Variants in KLHL8 observed in about 807,000 individuals in gnomAD.
The protein encoded by KLHL8 is kelch-like protein 8.
In KLHL8, 38 loss-of-function variants were observed where a neutral mutation model predicts 63.5. The observed-to-expected ratio is 0.60, with a 90% confidence interval of 0.46 to 0.78. The LOEUF is 0.78. KLHL8 is among the 30% of genes least tolerant of loss of function. The pLI is 0.00. For synonymous variants in KLHL8, 224 were observed against 254.3 expected (o/e 0.88, Z 1.13); for missense variants, 566 against 752.4 (o/e 0.75, Z 2.90).
chr4:87,213,329 A>G (rs553543936), intron 1 of KLHL8, among the ~76,000 whole-genome samples: 2 of 152,366 alleles, frequency 1.3e-5, no homozygotes, highest in African/African-American at 4.8e-5. Flanking sequence ...TGTACTTAAG[A>G]TAACAATGCC....
intron 1 of KLHL8, among the ~76,000 whole-genome samples, chr4:87,229,280 T>A (rs1246161053): frequency 1.3e-5 from 2 of 152,170 alleles, no homozygotes; most frequent in East Asian, 1.9e-4. Context: ...AGAAAACAGA[T>A]GAGGCTAAGC....
At chr4:87,218,834 A>G (rs1732704291) in intron 1 of KLHL8, among the ~76,000 whole-genome samples, 1 of 152,094 alleles carries the variant, frequency 6.6e-6, no homozygotes, top group East Asian at 1.9e-4. Flanking sequence ...TCCCGGGTTC[A>G]AGCCATTCTC....
intron 1 of KLHL8, among the ~76,000 whole-genome samples, chr4:87,230,244 C>T (rs186913441): frequency 7.9e-5 from 12 of 152,292 alleles, no homozygotes; most frequent in East Asian, 1.9e-4. Flanking sequence ...CCTGCAAGAA[C>T]GGAGCTGAGA....
chr4:87,236,618 C>T (rs1578414210), intron 1 of KLHL8, among the ~76,000 whole-genome samples: 2 of 149,250 alleles, frequency 1.3e-5, no homozygotes, highest in African/African-American at 4.9e-5. Context: ...GACTTTTATT[C>T]ATTGCGTACC....
chr4:87,178,572 C>T lies in KLHL8; in HGVS notation c.1001G>A (p.Arg334His), dbSNP rs776307029. The part of the protein sequence containing the change: ...GGRGGSGDPF[R>H]SIECYSINKN... ...GTTGATAGAATAGCATTCAATACTG[C>T]GAAAGGGGTCACCAGATCCACCTCG... is the stretch of plus-strand genomic sequence containing the variant. The change falls in exon 5 of 10, where the codon CGC becomes CAC. Residue 334 changes from arginine (R) to histidine (H), a missense_variant. Physicochemically the swap from Arg to His is conservative, Grantham distance 29. Coordinates refer to ENST00000273963, the MANE Select transcript of KLHL8 (RefSeq NM_020803.5). 9 of 1,607,890 alleles carry T rather than the reference C, an allele frequency of 5.6e-6. No individual in the cohort carries two copies. The highest frequency in any genetic ancestry group is 2.7e-5 in the African/African-American group (2 of 74,340).
intron 1 of KLHL8, among the ~76,000 whole-genome samples, chr4:87,206,746 A>G (rs1195369423): frequency 6.6e-6 from 1 of 152,222 alleles, no homozygotes. Context: ...CCCAACTTAA[A>G]TAATTCCTTT....
At chr4:87,221,897 T>C (rs1240182682), upstream of KLHL8, among the ~76,000 whole-genome samples, 16 of 152,292 alleles carry the variant, frequency 1.1e-4, no homozygotes, top group East Asian at 2.9e-3. Flanking sequence ...TAAAGAAGTA[T>C]GCAGTGAAGA....
intron 1 of KLHL8, among the ~76,000 whole-genome samples, chr4:87,204,969 G>A (rs1218779731): frequency 2.0e-5 from 3 of 152,070 alleles, no homozygotes; most frequent in African/African-American, 7.2e-5. Context: ...CCCCAAAAAT[G>A]TCAATTTTGC....
chr4:87,185,980 T>C (rs139403234), intron 2 of KLHL8, among the ~76,000 whole-genome samples, 181 bp from the exon 3 acceptor site: 1,733 of 152,220 alleles, frequency 0.011, 39 homozygotes, highest in African/African-American at 0.039. Flanking sequence ...GTAATTTTCA[T>C]ATTCCAAATT....
chr4:87,209,713 G>C (rs1489638106), intron 1 of KLHL8, among the ~76,000 whole-genome samples: 1 of 152,040 alleles, frequency 6.6e-6, no homozygotes, highest in Non-Finnish European at 1.5e-5. Context: ...GCTGAATACT[G>C]TACTAACTCA....
Position 87,229,254 on chromosome 4 carries a change from C to T in KLHL8, n.58-7864G>A, listed in dbSNP as rs114621294. On this transcript the variant is annotated intron_variant and non_coding_transcript_variant, in intron 1 of 1. Coordinates refer to the KLHL8 transcript ENST00000506274. ...ACTACACAGAGACTCTGCCTTTATG[C>T]TTGCAACTGTTGAATAGAAAACAGA... Among the ~76,000 whole-genome samples the T allele has an allele frequency of 3.9e-3, 592 of 152,154 alleles. 3 individuals are homozygous for T. The highest frequency in any genetic ancestry group is 0.014 in the African/African-American group (568 of 41,528).
chr4:87,172,817 T>C (rs1434291208), intron 6 of KLHL8, among the ~76,000 whole-genome samples: 2 of 152,212 alleles, frequency 1.3e-5, no homozygotes, highest in Non-Finnish European at 2.9e-5. Flanking sequence ...GTTTTCACTC[T>C]GGTCATCCTC....
chr4:87,165,296 T>C (rs1001386947), intron 8 of KLHL8, among the ~76,000 whole-genome samples: 2 of 152,158 alleles, frequency 1.3e-5, no homozygotes, highest in African/African-American at 2.4e-5. Flanking sequence ...TATAGTGTCA[T>C]TACCATTACA....
intron 2 of KLHL8, among the ~76,000 whole-genome samples, chr4:87,191,794 A>C: frequency 6.9e-6 from 1 of 144,370 alleles, no homozygotes; most frequent in Non-Finnish European, 1.5e-5. Context: ...ATCCACCACT[A>C]TTTTTCCCAT....
chr4:87,227,363 G>A (rs1415031520), intron 1 of KLHL8, among the ~76,000 whole-genome samples: 2 of 152,008 alleles, frequency 1.3e-5, no homozygotes, highest in Non-Finnish European at 2.9e-5. Flanking sequence ...CACTGGAGAC[G>A]GGGCACCACG....
rs560787568 is a variant in KLHL8 at position 87,236,231 on chromosome 4, C to T, written n.57+4027G>A. Among the ~76,000 whole-genome samples the T allele has an allele frequency of 3.0e-4, 43 of 142,136 alleles. No individual in the cohort carries two copies. In the South Asian group the frequency reaches 9.5e-3, roughly 31 times the overall value. The allele number at this position is 142,136 out of a possible 152,430, so 93.2% of individuals were successfully genotyped here. ...TTTCCTTTTTTTTTTTTTTTTGAGA[C>T]GGAGTCTCGCTCTGTAGCCCAGGCT... On this transcript the variant is annotated intron_variant and non_coding_transcript_variant, in intron 1 of 1. Coordinates refer to the KLHL8 transcript ENST00000506274.
At chr4:87,208,067 T>A in intron 1 of KLHL8, 1 of 582,926 alleles carries the variant, frequency 1.7e-6, no homozygotes, top group Non-Finnish European at 3.3e-6. Context: ...GTGGACCTCA[T>A]GGCCCACATG....
intron 2 of KLHL8, among the ~76,000 whole-genome samples, chr4:87,192,299 A>T (rs1482483513): frequency 5.9e-5 from 9 of 152,166 alleles, no homozygotes; most frequent in Admixed American, 5.9e-4. Context: ...TTTTAACAAA[A>T]GCCATTCTGA....
upstream of KLHL8, chr4:87,220,634 T>C (rs2110062075): frequency 6.6e-6 from 1 of 151,972 alleles, no homozygotes; most frequent in African/African-American, 2.4e-5. Context: ...CGGGGCGGGC[T>C]GGGCGGGGCT....
Sources: gnomAD v4.1 joint callset for allele counts (sites outside exome capture counted in the v4.1 genomes callset) on GRCh38, gnomAD v4.1.1 for gene constraint, MANE v1.5 for transcripts, NCBI Gene and HGNC (gene_info 2026-07-23, HGNC 2026-07-21) for gene names.